AFF3: variants seen among roughly 807,000 people sequenced by gnomAD.
AFF3 encodes AF4/FMR2 family member 3.
Under a neutral mutation model 129.7 loss-of-function variants are expected in AFF3, and 32 were observed. The observed-to-expected ratio is 0.25, with a 90% confidence interval of 0.19 to 0.33. The LOEUF (loss-of-function observed/expected upper bound fraction) is 0.33, where lower values mean the gene tolerates loss of function less well. Ranked by LOEUF, AFF3 falls within the 10% of genes least tolerant of loss-of-function variation. AFF3 has a pLI of 1.00. For missense variants in AFF3, 1,373 were observed against 1,592.0 expected (o/e 0.86, Z 2.34); for synonymous variants, 644 against 635.4 (o/e 1.01, Z -0.20).
At position 100,034,329 on chromosome 2, in the gene AFF3, GC is replaced by G. The variant is rs201816338; in HGVS notation, c.54-25398del. ...AAATAAAATGCCAAAGTATTAACAT[GC>G]CTGTAAACAGAATTAAGACTTAAAT... is the stretch of plus-strand genomic sequence containing the variant. On this transcript the variant is annotated intron_variant, in intron 4 of 24. Transcript: ENST00000672756. 8.7e-3 allele frequency among the ~76,000 whole-genome samples: 1,327 copies of G among 152,216 alleles called. 12 individuals are homozygous for G. Among genetic ancestry groups the G allele is most frequent in the Non-Finnish European group, 0.015 (991 of 67,990 alleles).
chr2:99,909,006 T>G (rs1032613977), intron 7 of AFF3, among the ~76,000 whole-genome samples: 3 of 152,268 alleles, frequency 2.0e-5, no homozygotes, highest in East Asian at 3.9e-4. Flanking sequence ...CAAAGGATTA[T>G]AAATCATGCT....
intron 13 of AFF3, among the ~76,000 whole-genome samples, chr2:99,614,297 A>T (rs1681208355): frequency 6.6e-6 from 1 of 152,262 alleles, no homozygotes; most frequent in African/African-American, 2.4e-5. Context: ...CAGGAGGTCC[A>T]TAAACTTGGA....
intron 9 of AFF3, among the ~76,000 whole-genome samples, chr2:99,746,971 G>A (rs114241983): frequency 0.061 from 9,143 of 150,744 alleles, 937 homozygotes; most frequent in African/African-American, 0.21. Flanking sequence ...AAAAAGAAAG[G>A]AAAAAAAGAA....
intron 4 of AFF3, among the ~76,000 whole-genome samples, chr2:100,085,219 G>A (rs1288008025): frequency 2.1e-5 from 3 of 140,014 alleles, no homozygotes; most frequent in African/African-American, 7.9e-5. Flanking sequence ...CTATCAAAAT[G>A]TCTTTAGCAG....
At chr2:99,692,649 C>T (rs1046314051) in intron 11 of AFF3, among the ~76,000 whole-genome samples, 3 of 152,198 alleles carry the variant, frequency 2.0e-5, no homozygotes, top group African/African-American at 4.8e-5. Context: ...AGTATCACTC[C>T]TCTAGAAGTC....
intron 4 of AFF3, among the ~76,000 whole-genome samples, chr2:100,025,548 T>C (rs530096673): frequency 1.1e-4 from 16 of 151,708 alleles, no homozygotes; most frequent in Non-Finnish European, 4.4e-5. Context: ...AGAAAAAAAA[T>C]TCTAAAATTC....
intron 13 of AFF3, among the ~76,000 whole-genome samples, chr2:99,607,074 C>G (rs1215714252): frequency 6.6e-6 from 1 of 152,152 alleles, no homozygotes. Flanking sequence ...ATTTTGACTT[C>G]ATGAAATGTT....
intron 13 of AFF3, 26 bp downstream of exon 13, chr2:99,649,600 T>C: frequency 6.2e-7 from 1 of 1,611,262 alleles, no homozygotes; most frequent in South Asian, 1.1e-5. Flanking sequence ...AAGCAATTTA[T>C]AGTTCATAAA....
At chr2:99,983,580 C>G (rs985613232) in intron 7 of AFF3, among the ~76,000 whole-genome samples, 3 of 152,134 alleles carry the variant, frequency 2.0e-5, no homozygotes, top group Non-Finnish European at 4.4e-5. Context: ...AGGGGAGAAC[C>G]TCAAGGGCAA....
At chr2:99,918,289 T>C (rs1280219835) in intron 7 of AFF3, among the ~76,000 whole-genome samples, 2 of 152,192 alleles carry the variant, frequency 1.3e-5, no homozygotes, top group Non-Finnish European at 2.9e-5. Context: ...AAGGAAAGGG[T>C]AATCAATCCA....
In AFF3 at chr2:99,549,978, T is replaced by C. The variant is rs1674295497; in HGVS notation, c.*1496A>G. On this transcript the variant is annotated 3_prime_UTR_variant, in exon 25 of 25. Transcript: ENST00000672756. ...CTCAGACCGTCCTGGTGCAACTTTA[T>C]CAAGTAAGAGGCCACAAGGACATTA... The C allele has an allele frequency of 8.8e-6, 2 of 228,528 alleles. 1 individual carries two copies. Among genetic ancestry groups the C allele is most frequent in the South Asian group, 3.6e-4 (2 of 5,488 alleles). The allele number at this position is 228,528 out of a possible 1,614,324, so 14.2% of individuals were successfully genotyped here. A position where few individuals can be genotyped will look rare whatever the true frequency, so the allele number is the denominator to read the frequency against.
At chr2:99,735,749 T>A (rs1259349830) in intron 10 of AFF3, among the ~76,000 whole-genome samples, 1 of 152,200 alleles carries the variant, frequency 6.6e-6, no homozygotes, top group Non-Finnish European at 1.5e-5. Flanking sequence ...CACCTCAGCC[T>A]CCTAAAGCAC....
intron 13 of AFF3, among the ~76,000 whole-genome samples, chr2:99,610,452 C>T (rs1171376246): frequency 1.3e-5 from 2 of 151,986 alleles, no homozygotes; most frequent in Non-Finnish European, 2.9e-5. Context: ...TGAGATGGGC[C>T]TTTTTTCAGT....
chr2:99,589,449 T>A (rs1394265306), intron 15 of AFF3, among the ~76,000 whole-genome samples: 1 of 138,074 alleles, frequency 7.2e-6, no homozygotes, highest in Non-Finnish European at 1.5e-5. Flanking sequence ...ATTGCCAGGC[T>A]GGAGTGCAAT....
intron 8 of AFF3, among the ~76,000 whole-genome samples, chr2:99,782,420 G>A (rs537839999): frequency 1.0e-3 from 155 of 152,310 alleles, no homozygotes; most frequent in African/African-American, 3.5e-3. Context: ...ATGGTACAAA[G>A]TCCCCAGTGA....
At chr2:99,996,949 T>A (rs62149305) in intron 7 of AFF3, among the ~76,000 whole-genome samples, 16,318 of 152,052 alleles carry the variant, frequency 0.11, 1,208 homozygotes, top group Non-Finnish European at 0.15. Context: ...TCCTCGTGGC[T>A]TCCCGAAGCT....
intron 11 of AFF3, among the ~76,000 whole-genome samples, chr2:99,692,550 A>T (rs1012473228): frequency 2.0e-5 from 3 of 152,028 alleles, no homozygotes; most frequent in African/African-American, 7.2e-5. Context: ...GCCTCATCCC[A>T]TGGTGCTGCA....
chr2:99,716,021 G>A (rs1339634385), intron 11 of AFF3, among the ~76,000 whole-genome samples: 1 of 152,014 alleles, frequency 6.6e-6, no homozygotes, highest in Non-Finnish European at 1.5e-5. Flanking sequence ...TACGATTGAG[G>A]GTTATCTACA....
intron 14 of AFF3, among the ~76,000 whole-genome samples, chr2:99,599,939 T>G (rs1679659726): frequency 6.6e-6 from 1 of 152,212 alleles, no homozygotes. Context: ...AATTGTGTAT[T>G]CCAGGGCCAA....
Sources: gnomAD v4.1 joint callset for allele counts (sites outside exome capture counted in the v4.1 genomes callset) on GRCh38, gnomAD v4.1.1 for gene constraint, MANE v1.5 for transcripts, NCBI Gene and HGNC (gene_info 2026-07-23, HGNC 2026-07-21) for gene names.